The following UNC13C variants were observed in gnomAD, a reference collection of about 807,000 sequenced individuals.
UNC13C encodes protein unc-13 homolog C.
In UNC13C, 174 loss-of-function variants were observed where a neutral mutation model predicts 245.4. The ratio of observed to expected loss-of-function variants is 0.71; its 90% CI spans 0.63 to 0.80. UNC13C has a LOEUF of 0.80. Ranked by LOEUF, UNC13C falls within the 30% of genes least tolerant of loss-of-function variation. The pLI, the probability that UNC13C is intolerant of heterozygous loss-of-function variation, is 0.00. For synonymous variants in UNC13C, 992 were observed against 895.1 expected (o/e 1.11, Z -1.93); for missense variants, 2,829 against 2,602.9 (o/e 1.09, Z -1.89).
intron 2 of UNC13C, among the ~76,000 whole-genome samples, chr15:54,025,931 A>G (rs1896091847): frequency 6.6e-6 from 1 of 152,158 alleles, no homozygotes; most frequent in South Asian, 2.1e-4. Context: ...GATGTAGGTT[A>G]AGCTTCCCCT....
In UNC13C at chr15:54,209,997, TCTAA is replaced by T. The variant is rs564710482; in HGVS notation, c.3072-25029_3072-25026del. The stretch of plus-strand genomic sequence containing the variant: ...ACTGAATATTTTTGAATCAATTTTC[TCTAA>T]CTATATTAACTTTGAACAAATTATT... On this transcript the variant is annotated intron_variant, in intron 4 of 32. Transcript: ENST00000260323. Among the ~76,000 whole-genome samples, 31 of 152,074 alleles carry T rather than the reference TCTAA, an allele frequency of 2.0e-4. No homozygotes were observed. In the South Asian group the frequency reaches 4.8e-3, roughly 23 times the overall value.
intron 19 of UNC13C, among the ~76,000 whole-genome samples, chr15:54,460,783 A>C (rs1252073497): frequency 6.6e-6 from 1 of 152,220 alleles, no homozygotes; most frequent in Non-Finnish European, 1.5e-5. Flanking sequence ...CTTGAAGCAG[A>C]AGTTCACAAA....
chr15:54,413,665 CAGTA>C (rs2040458061), intron 18 of UNC13C, among the ~76,000 whole-genome samples: 1 of 152,074 alleles, frequency 6.6e-6, no homozygotes, highest in South Asian at 2.1e-4. Flanking sequence ...AATTGGCAGT[CAGTA>C]AGGGAAACTG....
chr15:54,133,550 C>T (rs975042079), intron 2 of UNC13C, among the ~76,000 whole-genome samples: 17 of 152,076 alleles, frequency 1.1e-4, no homozygotes, highest in Non-Finnish European at 2.4e-4. Context: ...ACTGTGGTCT[C>T]GCATTAACGA....
chr15:54,384,592 A>G (rs2039797200), intron 17 of UNC13C, among the ~76,000 whole-genome samples: 1 of 152,254 alleles, frequency 6.6e-6, no homozygotes, highest in South Asian at 2.1e-4. Context: ...TCTTCCGAAA[A>G]TCTTTCTAGG....
intron 26 of UNC13C, among the ~76,000 whole-genome samples, chr15:54,542,300 C>T (rs563769327): frequency 1.3e-5 from 2 of 152,130 alleles, no homozygotes; most frequent in African/African-American, 4.8e-5. Flanking sequence ...TCCATGTAGT[C>T]ATGCGGTTTT....
At chr15:53,918,907 G>T in the UNC13C span, among the ~76,000 whole-genome samples, 2 of 152,160 alleles carry the variant, frequency 1.3e-5, no homozygotes, top group South Asian at 2.1e-4. Context: ...GCAATTTTTC[G>T]ACAGTCACAG....
At chr15:53,900,848 C>T in the UNC13C span, among the ~76,000 whole-genome samples, 1 of 152,144 alleles carries the variant, frequency 6.6e-6, no homozygotes, top group Admixed American at 6.5e-5. Context: ...ATCAATTGAG[C>T]TACAGGAATA....
At chr15:54,253,205 C>G (rs1245452739) in intron 8 of UNC13C, among the ~76,000 whole-genome samples, 2 of 152,170 alleles carry the variant, frequency 1.3e-5, no homozygotes, top group Non-Finnish European at 2.9e-5. Flanking sequence ...TAGGTGTTTC[C>G]TTACCATGAA....
chr15:54,507,181 A>G lies in UNC13C; in HGVS notation c.5366A>G (p.Asp1789Gly), dbSNP rs1474659286. 6.3e-7 allele frequency: 1 copy of G among 1,590,054 alleles called. No homozygotes were observed. Among genetic ancestry groups the G allele is most frequent in the Non-Finnish European group, 8.6e-7 (1 of 1,166,198 alleles). The change falls in exon 23 of 33, where the codon GAT becomes GGT. Residue 1789 changes from aspartate to glycine, a missense_variant. Physicochemically the swap from Asp to Gly is moderately conservative, Grantham distance 94. Transcript: ENST00000260323. ...IVSSDFSSHC[D>G]KENVPCILMN... is the part of the protein sequence containing the mutation. Reference sequence around the variant, plus strand: ...TCAAGTGATTTCAGTTCACATTGTGATAAGGAAAATGTGGTAAGTAAAAAA... The same window carrying G: ...TCAAGTGATTTCAGTTCACATTGTGGTAAGGAAAATGTGGTAAGTAAAAAA...
At chr15:54,156,123 T>C (rs1897058) in intron 4 of UNC13C, among the ~76,000 whole-genome samples, 36,327 of 152,122 alleles carry the variant, frequency 0.24, 4,410 homozygotes, top group Admixed American at 0.29. Flanking sequence ...AAGAAACTGA[T>C]GGATTTAAAT....
chr15:54,205,015 G>A (rs544502888), intron 4 of UNC13C, among the ~76,000 whole-genome samples: 11 of 151,942 alleles, frequency 7.2e-5, no homozygotes, highest in Middle Eastern at 3.4e-3. Context: ...TCAGACTTCC[G>A]TAATCCCATA....
At chr15:54,208,822 A>C (rs2034792603) in intron 4 of UNC13C, among the ~76,000 whole-genome samples, 1 of 152,116 alleles carries the variant, frequency 6.6e-6, no homozygotes, top group Non-Finnish European at 1.5e-5. Flanking sequence ...TTTGAGGTAA[A>C]ATAACTTTTT....
At position 54,260,528 on chromosome 15, in the gene UNC13C, A is replaced by C. The variant is rs571684854; in HGVS notation, c.3449-3640A>C. On this transcript the variant is annotated intron_variant, in intron 8 of 32. Coordinates refer to ENST00000260323, the MANE Select transcript of UNC13C (RefSeq NM_001080534.3). ...ATTATATACATATCTATGTGTATACATAGATATGTATACATATATTCTATA... is the reference window on the plus strand; with the variant it reads ...ATTATATACATATCTATGTGTATACCTAGATATGTATACATATATTCTATA... 8.0e-5 allele frequency among the ~76,000 whole-genome samples: 12 copies of C among 150,284 alleles called. No homozygotes were observed. In the South Asian group the frequency reaches 1.0e-3, roughly 13 times the overall value.
Position 54,596,364 on chromosome 15 carries a change from A to C in UNC13C, c.6107-25963A>C, listed in dbSNP as rs1354335895. ...CGCAAGGAAGGTGACTATGGAGGCC[A>C]GCTTTGTTGTTTTTACTTTTGTGGG... On this transcript the variant is annotated intron_variant, in intron 30 of 32. Transcript: ENST00000260323. 2.0e-5 allele frequency among the ~76,000 whole-genome samples: 3 copies of C among 151,498 alleles called. No individual in the cohort carries two copies. In the Admixed American group the frequency reaches 2.0e-4, roughly 10 times the overall value.
At position 54,066,433 on chromosome 15, in the gene UNC13C, C is replaced by G. The variant is rs73416956; in HGVS notation, c.2983+50547C>G. Among the ~76,000 whole-genome samples, 1,211 of 152,258 alleles carry G rather than the reference C, an allele frequency of 8.0e-3. 25 individuals are homozygous for G. Among genetic ancestry groups the G allele is most frequent in the African/African-American group, 0.028 (1,146 of 41,552 alleles). ...GTCCATTTTGTGTCTTCGCTGTTTT[C>G]AAACATTTTGTTTTTTCAGACTTGG... On this transcript the variant is annotated intron_variant, in intron 2 of 32. Coordinates refer to ENST00000260323, the MANE Select transcript of UNC13C (RefSeq NM_001080534.3).
At chr15:54,435,297 A>C (rs1567269351) in intron 19 of UNC13C, among the ~76,000 whole-genome samples, 1 of 152,188 alleles carries the variant, frequency 6.6e-6, no homozygotes. Context: ...TTATTGCAGC[A>C]CTGTTCACAA....
intron 19 of UNC13C, among the ~76,000 whole-genome samples, chr15:54,461,784 G>C (rs1399703791): frequency 6.6e-6 from 1 of 152,194 alleles, no homozygotes; most frequent in African/African-American, 2.4e-5. Flanking sequence ...CTACAGAAGA[G>C]AGCAGATTGG....
chr15:54,042,061 G>C (rs1469110361), intron 2 of UNC13C, among the ~76,000 whole-genome samples: 1 of 152,120 alleles, frequency 6.6e-6, no homozygotes, highest in Non-Finnish European at 1.5e-5. Context: ...GCACCAACAA[G>C]ATGCTGCGAT....
Sources: gnomAD v4.1 joint callset for allele counts (sites outside exome capture counted in the v4.1 genomes callset) on GRCh38, gnomAD v4.1.1 for gene constraint, MANE v1.5 for transcripts, NCBI Gene and HGNC (gene_info 2026-07-23, HGNC 2026-07-21) for gene names.